NR3C1: variants seen among roughly 807,000 people sequenced by gnomAD.
NR3C1 encodes glucocorticoid receptor.
Under a neutral mutation model 74.0 loss-of-function variants are expected in NR3C1, and 14 were observed. The observed-to-expected ratio is 0.19, with a 90% CI of 0.12 to 0.30. The LOEUF (loss-of-function observed/expected upper bound fraction) is 0.30. Ranked by LOEUF, NR3C1 falls within the 10% of genes least tolerant of loss-of-function variation. The probability of loss-of-function intolerance (pLI) is 1.00; values close to 1 mark genes in which losing one functional copy is unlikely to be tolerated. For missense variants in NR3C1, 695 were observed against 909.8 expected, an observed-to-expected ratio of 0.76 and a Z score of 3.04; for synonymous variants, 308 against 332.5, an observed-to-expected ratio of 0.93 and a Z score of 0.80.
intron 1 of NR3C1, among the ~76,000 whole-genome samples, chr5:143,418,949 T>A (rs573634874): frequency 6.6e-6 from 1 of 152,274 alleles, no homozygotes; most frequent in East Asian, 1.9e-4. Context: ...TTCAATGAGA[T>A]TACATTTGCT....
At chr5:143,429,583 T>C (rs1751708121) in intron 1 of NR3C1, among the ~76,000 whole-genome samples, 1 of 152,214 alleles carries the variant, frequency 6.6e-6, no homozygotes, top group African/African-American at 2.4e-5. Context: ...GTCATGCACC[T>C]AGAACCTGGT....
At chr5:143,389,473 C>G (rs1837860161) in intron 2 of NR3C1, among the ~76,000 whole-genome samples, 1 of 152,168 alleles carries the variant, frequency 6.6e-6, no homozygotes, top group South Asian at 2.1e-4. Flanking sequence ...TTTAGCCAGG[C>G]ACCAGAATTG....
chr5:143,361,462 C>T (rs2918416), intron 2 of NR3C1, among the ~76,000 whole-genome samples: 43,770 of 151,962 alleles, frequency 0.29, 6,565 homozygotes, highest in Non-Finnish European at 0.32. Context: ...CTTAGAACTC[C>T]TTCTTCAAAG....
chr5:143,419,022 C>T (rs750331680), intron 1 of NR3C1, among the ~76,000 whole-genome samples: 2 of 152,142 alleles, frequency 1.3e-5, no homozygotes, highest in African/African-American at 2.4e-5. Context: ...ATTCTGAAAT[C>T]GGAAATGCTC....
Position 143,400,440 on chromosome 5 carries a change from T to C in NR3C1, c.400A>G (p.Ser134Gly). 3 of 1,614,232 alleles carry C rather than the reference T, an allele frequency of 1.9e-6. No individual in the cohort carries two copies. The highest frequency in any genetic ancestry group is 1.7e-6 in the Non-Finnish European group (2 of 1,180,028). Residue 134 changes from serine (S) to glycine (G), a missense_variant, in exon 2 of 9, where the codon AGT (serine) becomes GGT (glycine). Physicochemically the swap from Ser to Gly is moderately conservative, Grantham distance 56. Coordinates refer to ENST00000394464, the MANE Select transcript of NR3C1 (RefSeq NM_000176.3). ...ESIANLNRST[S>G]VPENPKSSAS... Reference sequence around the variant, plus strand: ...GAACTCTTGGGGTTCTCTGGAACACTGGTCGACCTATTGAGGTTTGCAATG... The same window carrying C: ...GAACTCTTGGGGTTCTCTGGAACACCGGTCGACCTATTGAGGTTTGCAATG...
chr5:143,305,542 TGC>T (rs1819394711), intron 4 of NR3C1, among the ~76,000 whole-genome samples: 1 of 152,196 alleles, frequency 6.6e-6, no homozygotes, highest in Non-Finnish European at 1.5e-5. Flanking sequence ...GGTATTTATA[TGC>T]CATGGAATAC....
At position 143,279,270 on chromosome 5, in the gene NR3C1, C is replaced by T. The variant is rs1310763263; in HGVS notation, c.*2619G>A. The T allele has an allele frequency of 3.6e-6, 5 of 1,397,542 alleles. No individual in the cohort carries two copies. The African/African-American group carries it at 7.4e-5, about 21-fold the overall frequency. The allele number at this position is 1,397,542 out of a possible 1,614,324, so 86.6% of individuals were successfully genotyped here. ...AAAGCCTCCTATAGTTGTCGATGAG[C>T]ATCAGTTGACTTATTATTGACAACG... On this transcript the variant is annotated 3_prime_UTR_variant, in exon 9 of 9. Coordinates refer to ENST00000394464, the MANE Select transcript of NR3C1 (RefSeq NM_000176.3).
chr5:143,310,487 T>C (rs1456554827), intron 3 of NR3C1, among the ~76,000 whole-genome samples: 1 of 152,138 alleles, frequency 6.6e-6, no homozygotes, highest in Non-Finnish European at 1.5e-5. Flanking sequence ...CAGTGAACCA[T>C]TTAATAAATT....
At position 143,320,023 on chromosome 5, in the gene NR3C1, G is replaced by A. The variant is rs76438647; in HGVS notation, c.1185-5855C>T. Among the ~76,000 whole-genome samples the A allele has an allele frequency of 9.1e-4, 138 of 152,214 alleles. 8 individuals are homozygous for A. The East Asian group carries it at 0.026, about 29-fold the overall frequency. On this transcript the variant is annotated intron_variant, in intron 2 of 8. Coordinates refer to ENST00000394464, the MANE Select transcript of NR3C1 (RefSeq NM_000176.3). ...TTTCCCTCTAGCGCTAGCACTAAAA[G>A]GTAGTTTTTACACATTAAAGTCACC... is the stretch of plus-strand genomic sequence containing the variant.
chr5:143,367,102 G>A (rs1482432144), intron 2 of NR3C1, among the ~76,000 whole-genome samples: 1 of 152,134 alleles, frequency 6.6e-6, no homozygotes, highest in Non-Finnish European at 1.5e-5. Context: ...CACAGGGTTT[G>A]TTTGACATAT....
chr5:143,417,012 G>GAA (rs2151957764), intron 1 of NR3C1, among the ~76,000 whole-genome samples: 1 of 152,200 alleles, frequency 6.6e-6, no homozygotes, highest in African/African-American at 2.4e-5. Flanking sequence ...GAGAGAGAGA[G>GAA]AAACCTGGTA....
At position 143,281,274 on chromosome 5, in the gene NR3C1, C is replaced by G. The variant is rs1813046905; in HGVS notation, c.*615G>C. 6.5e-6 allele frequency: 1 copy of G among 152,698 alleles called. No homozygotes were observed. Among genetic ancestry groups the G allele is most frequent in the South Asian group, 2.1e-4 (1 of 4,852 alleles). 9.5% of individuals were successfully genotyped at this position (152,698 alleles called of 1,614,324 possible). On this transcript the variant is annotated 3_prime_UTR_variant, in exon 9 of 9. Transcript: ENST00000394464. ...TTTATTTGGGAAAGCTACGAACTAG[C>G]TGCCCATCTTAAACAGCTGTACAAT...
At chr5:143,305,583 G>A (rs906829903) in intron 4 of NR3C1, among the ~76,000 whole-genome samples, 8 of 152,106 alleles carry the variant, frequency 5.3e-5, no homozygotes, top group South Asian at 2.1e-4. Flanking sequence ...ATGAAATCAC[G>A]TCCTTTGCAG....
chr5:143,329,520 A>C (rs1474209247), intron 2 of NR3C1, among the ~76,000 whole-genome samples: 2 of 152,234 alleles, frequency 1.3e-5, no homozygotes, highest in Non-Finnish European at 2.9e-5. Flanking sequence ...TTAAGAGGCA[A>C]AATCTAAATT....
At position 143,281,704 on chromosome 5, in the gene NR3C1, C is replaced by G; in HGVS notation, c.*185G>C. On this transcript the variant is annotated 3_prime_UTR_variant, in exon 9 of 9. Transcript: ENST00000394464. The stretch of plus-strand genomic sequence containing the variant: ...TCCCATCACTGAAAAGTGATGACGA[C>G]TCAACTGCTTCTGTTGCCAAGTCTT... 1.7e-6 allele frequency: 1 copy of G among 593,176 alleles called. No individual in the cohort carries two copies. Among genetic ancestry groups the G allele is most frequent in the South Asian group, 2.0e-5 (1 of 49,898 alleles). 36.7% of individuals were successfully genotyped at this position (593,176 alleles called of 1,614,324 possible). A position where few individuals can be genotyped will look rare whatever the true frequency, so the allele number is the denominator to read the frequency against.
upstream of NR3C1, chr5:143,404,429 G>T (rs945863580): frequency 6.3e-5 from 62 of 985,422 alleles, no homozygotes; most frequent in African/African-American, 3.0e-4. Flanking sequence ...CGCATCATCT[G>T]GGCGGCCGGG....
In NR3C1 at chr5:143,400,535, A is replaced by T; in HGVS notation, c.305T>A (p.Leu102Gln). 6.2e-7 allele frequency: 1 copy of T among 1,614,236 alleles called. No homozygotes were observed. The highest frequency in any genetic ancestry group is 1.1e-5 in the South Asian group (1 of 91,082). ...ETETKVMGND[L>Q]GFPQQGQISL... ...GATTTGGCCCTGCTGTGGGAATCCC[A>T]GGTCATTTCCCATCACTTTTGTTTC... is the stretch of plus-strand genomic sequence containing the variant. The change falls in exon 2 of 9, where the codon CTG becomes CAG. Residue 102 changes from leucine to glutamine, a missense_variant. This residue lies in a region of NR3C1 where 497 missense variants were observed against 489.5 expected (regional missense o/e 1.02). Coordinates refer to ENST00000394464, the MANE Select transcript of NR3C1 (RefSeq NM_000176.3).
intron 1 of NR3C1, among the ~76,000 whole-genome samples, chr5:143,434,049 T>C (rs2151965746): frequency 6.6e-6 from 1 of 152,312 alleles, no homozygotes. Flanking sequence ...CCTTGAGTCT[T>C]CCAGATATTC....
At chr5:143,404,448 TGCCGCC>T (rs1234218364), upstream of NR3C1, 4 of 984,994 alleles carry the variant, frequency 4.1e-6, no homozygotes, top group Non-Finnish European at 3.6e-6. Context: ...GGTCTTCAGC[TGCCGCC>T]GCCGCGCTCT....
Sources: allele counts gnomAD v4.1 joint callset (sites outside exome capture counted in the v4.1 genomes callset), GRCh38; gene constraint gnomAD v4.1.1; regional missense constraint gnomAD v4.1.1; transcripts MANE v1.5; gene names NCBI Gene and HGNC (gene_info 2026-07-23, HGNC 2026-07-21).